EDEM1: variants seen among roughly 807,000 people sequenced by gnomAD.
The protein encoded by EDEM1 is ER degradation-enhancing alpha-mannosidase-like protein 1.
EDEM1 carries 67 observed loss-of-function variants against 74.4 expected under a neutral mutation model. The observed-to-expected ratio is 0.90, with a 90% CI of 0.74 to 1.10. The LOEUF is 1.10. Among genes scored for constraint, EDEM1 ranks in the 50% least tolerant of loss-of-function variants. The pLI, the probability that EDEM1 is intolerant of heterozygous loss-of-function variation, is 0.00. For synonymous variants in EDEM1, 382 were observed against 335.9 expected, an observed-to-expected ratio of 1.14 and a Z score of -1.50; for missense variants, 926 against 851.6, an observed-to-expected ratio of 1.09 and a Z score of -1.09.
rs112077667 is a variant in EDEM1, at chr3:5,206,991, T to G, written c.1218-162T>G. On this transcript the variant is annotated intron_variant, in intron 6 of 11. Transcript: ENST00000256497. The stretch of plus-strand genomic sequence containing the variant: ...TATTATCTTCTGCTAGAGTCTAATG[T>G]AGATAATTAAAGGCAGTCTGTCTGC... Among the ~76,000 whole-genome samples, 629 of 152,366 alleles carry G rather than the reference T, an allele frequency of 4.1e-3. 5 individuals carry two copies. The highest frequency in any genetic ancestry group is 0.014 in the African/African-American group (598 of 41,582).
At chr3:5,192,950 C>G (rs1042403995) in intron 1 of EDEM1, among the ~76,000 whole-genome samples, 3 of 149,454 alleles carry the variant, frequency 2.0e-5, no homozygotes, top group Non-Finnish European at 4.4e-5. Context: ...TGTGGCAGCT[C>G]ATTAATTTTT....
intron 8 of EDEM1, 63 bp from the exon 9 acceptor site, chr3:5,210,112 A>G: frequency 2.8e-6 from 4 of 1,431,704 alleles, no homozygotes; most frequent in South Asian, 1.1e-5. Context: ...AGTCACCATG[A>G]TGTTTGTCGA....
At chr3:5,203,708 A>G (rs537290742) in intron 5 of EDEM1, among the ~76,000 whole-genome samples, 1 of 152,138 alleles carries the variant, frequency 6.6e-6, no homozygotes, top group Non-Finnish European at 1.5e-5. Context: ...AATTATCAGT[A>G]TTTTGCTAAC....
chr3:5,215,338 GT>G (rs1218275079), intron 11 of EDEM1, among the ~76,000 whole-genome samples: 1 of 151,674 alleles, frequency 6.6e-6, no homozygotes, highest in South Asian at 2.1e-4. Flanking sequence ...AGCATTTAGA[GT>G]TTAGTGAGTT....
chr3:5,211,219 ATG>A lies in EDEM1; in HGVS notation c.1680+9_1680+10del. 2 of 1,613,586 alleles carry A rather than the reference ATG, an allele frequency of 1.2e-6. No homozygotes were observed. Among genetic ancestry groups the A allele is most frequent in the Non-Finnish European group, 1.7e-6 (2 of 1,179,502 alleles). On this transcript the variant is annotated splice_donor_5th_base_variant and intron_variant, in intron 10 of 11. Coordinates refer to ENST00000256497, the MANE Select transcript of EDEM1 (RefSeq NM_014674.3). Reference sequence around the variant, plus strand: ...AGACCTGTAAATATTTGTATCTGGTATGTGTGTTGCAAGATGAACCCAGGAAT... The same window carrying A: ...AGACCTGTAAATATTTGTATCTGGTATGTGTTGCAAGATGAACCCAGGAAT...
At chr3:5,209,991 G>A (rs1575591190) in intron 8 of EDEM1, among the ~76,000 whole-genome samples, 184 bp from the exon 9 acceptor site, 1 of 152,232 alleles carries the variant, frequency 6.6e-6, no homozygotes, top group African/African-American at 2.4e-5. Flanking sequence ...ACTCTTTGAT[G>A]TGAACTGACG....
chr3:5,215,635 G>A (rs2055225389), intron 11 of EDEM1, among the ~76,000 whole-genome samples, 194 bp from the exon 12 acceptor site: 1 of 152,162 alleles, frequency 6.6e-6, no homozygotes, highest in African/African-American at 2.4e-5. Flanking sequence ...AGGCGTAGGA[G>A]TTGCCACTGG....
intron 2 of EDEM1, among the ~76,000 whole-genome samples, chr3:5,198,359 T>G (rs1287438610): frequency 2.6e-5 from 4 of 152,214 alleles, no homozygotes; most frequent in African/African-American, 9.7e-5. Flanking sequence ...GTTGACTCTC[T>G]GATTAGCCTT....
intron 10 of EDEM1, 65 bp downstream of exon 10, chr3:5,211,281 CT>C: frequency 6.8e-7 from 1 of 1,470,618 alleles, no homozygotes; most frequent in East Asian, 2.3e-5. Flanking sequence ...TTCGCATAGT[CT>C]TCCATCTGAC....
At chr3:5,208,638 G>A (rs920018052) in intron 8 of EDEM1, among the ~76,000 whole-genome samples, 8 of 151,856 alleles carry the variant, frequency 5.3e-5, no homozygotes, top group Middle Eastern at 3.2e-3. Context: ...GTGGAGCCCC[G>A]GTCTGTGTAA....
chr3:5,207,949 C>T, intron 7 of EDEM1, 144 bp from the exon 8 acceptor site: 1 of 945,108 alleles, frequency 1.1e-6, no homozygotes, highest in Non-Finnish European at 1.5e-6. Flanking sequence ...TGGGTTGTCA[C>T]TTTTGGGTTG....
Position 5,213,235 on chromosome 3 carries a change from C to T in EDEM1, c.1681-84C>T. The T allele has an allele frequency of 6.6e-6, 9 of 1,357,084 alleles. 1 individual carries two copies. The South Asian group carries it at 1.3e-4, about 19-fold the overall frequency. 84.1% of individuals were successfully genotyped at this position (1,357,084 alleles called of 1,614,324 possible). A position where few individuals can be genotyped will look rare whatever the true frequency, so the allele number is the denominator to read the frequency against. On this transcript the variant is annotated intron_variant, in intron 10 of 11. Transcript: ENST00000256497. Reference sequence around the variant, plus strand: ...CATGAGGCCCAAGCAAATTCTACTCCCTGAGTAGCTGGGACACGCCCCCAT... The same window carrying T: ...CATGAGGCCCAAGCAAATTCTACTCTCTGAGTAGCTGGGACACGCCCCCAT...
At position 5,207,268 on chromosome 3, in the gene EDEM1, C is replaced by T; in HGVS notation, c.1333C>T (p.Leu445=). The part of the protein sequence containing the change: ...IDSLQAFFPG[L]QVLIGDVEDA... The stretch of plus-strand genomic sequence containing the variant: ...CTCTCTGCAGGCCTTTTTCCCTGGA[C>T]TGCAGGTATTTTGCCATCAGATTTC... The change falls in exon 7 of 12, where the codon CTG becomes TTG. Residue 445 remains leucine, a synonymous_variant. Transcript: ENST00000256497. 1 of 1,613,930 alleles carries T rather than the reference C, an allele frequency of 6.2e-7. No individual in the cohort carries two copies. Among genetic ancestry groups the T allele is most frequent in the Non-Finnish European group, 8.5e-7 (1 of 1,179,954 alleles).
intron 1 of EDEM1, among the ~76,000 whole-genome samples, chr3:5,189,097 G>C (rs2054868980): frequency 6.6e-6 from 1 of 152,186 alleles, no homozygotes; most frequent in Non-Finnish European, 1.5e-5. Context: ...TGAGCTCCAA[G>C]GGTCACCACT....
At chr3:5,188,498 G>C (rs2054857973) in intron 1 of EDEM1, 184 bp downstream of exon 1, 5 of 574,778 alleles carry the variant, frequency 8.7e-6, no homozygotes, top group Non-Finnish European at 1.3e-5. Flanking sequence ...AGGGTGCGGG[G>C]TGGGCCGGTG....
At chr3:5,212,968 A>G (rs1220259159) in intron 10 of EDEM1, among the ~76,000 whole-genome samples, 8 of 152,236 alleles carry the variant, frequency 5.3e-5, no homozygotes, top group African/African-American at 1.4e-4. Flanking sequence ...GTGTAGTTCT[A>G]GAATTCCAGC....
rs1185700324 is a variant in EDEM1 at position 5,217,814 on chromosome 3, T to C, written c.*1896T>C. 1 of 152,194 alleles carries C rather than the reference T, an allele frequency of 6.6e-6. No individual in the cohort carries two copies. The highest frequency in any genetic ancestry group is 2.4e-5 in the African/African-American group (1 of 41,440). The allele number at this position is 152,194 out of a possible 1,614,324, so 9.4% of individuals were successfully genotyped here. Reference sequence around the variant, plus strand: ...TGTTAATTACACACACATGCATGCATGCACACACGAGCATACTTGTACCTT... The same window carrying C: ...TGTTAATTACACACACATGCATGCACGCACACACGAGCATACTTGTACCTT... On this transcript the variant is annotated 3_prime_UTR_variant, in exon 12 of 12. Coordinates refer to ENST00000256497, the MANE Select transcript of EDEM1 (RefSeq NM_014674.3).
In EDEM1 at chr3:5,217,651, A is replaced by G. The variant is rs1421151868; in HGVS notation, c.*1733A>G. 6.6e-6 allele frequency: 1 copy of G among 152,640 alleles called. No individual in the cohort carries two copies. Among genetic ancestry groups the G allele is most frequent in the Admixed American group, 6.5e-5 (1 of 15,282 alleles). The allele number at this position is 152,640 out of a possible 1,614,324, so 9.5% of individuals were successfully genotyped here. On this transcript the variant is annotated 3_prime_UTR_variant, in exon 12 of 12. Coordinates refer to ENST00000256497, the MANE Select transcript of EDEM1 (RefSeq NM_014674.3). ...TACAACAATTGTTTTAAAATAGAAAAAATAAAATGCTTCTATTTTACCTTT... is the reference window on the plus strand; with the variant it reads ...TACAACAATTGTTTTAAAATAGAAAGAATAAAATGCTTCTATTTTACCTTT...
chr3:5,208,281 T>TC lies in EDEM1; in HGVS notation c.1509+18_1509+19insC. ...TCTACCAGGTACTAGAGTTGTGTTT[T>TC]TTTTTTTTTCCTTTCACTGCCTCCC... On this transcript the variant is annotated intron_variant, in intron 8 of 11. Transcript: ENST00000256497. 7 of 1,600,080 alleles carry TC rather than the reference T, an allele frequency of 4.4e-6. No individual in the cohort carries two copies. The highest frequency in any genetic ancestry group is 6.0e-6 in the Non-Finnish European group (7 of 1,175,998).
Sources: allele counts gnomAD v4.1 joint callset (sites outside exome capture counted in the v4.1 genomes callset), GRCh38; gene constraint gnomAD v4.1.1; transcripts MANE v1.5; gene names NCBI Gene and HGNC (gene_info 2026-07-23, HGNC 2026-07-21).